KIAA1549: variants seen among roughly 807,000 people sequenced by gnomAD.
KIAA1549 encodes UPF0606 protein KIAA1549.
KIAA1549 carries 70 observed loss-of-function variants against 156.4 expected under a neutral mutation model. That is an observed-to-expected ratio of 0.45 (90% CI 0.37 to 0.55). The LOEUF is 0.55. KIAA1549 is among the 20% of genes least tolerant of loss of function. The probability of loss-of-function intolerance (pLI) is 0.00; values close to 1 mark genes in which losing one functional copy is unlikely to be tolerated. For missense variants in KIAA1549, 2,428 were observed against 2,540.9 expected, an observed-to-expected ratio of 0.96 and a Z score of 0.96; for synonymous variants, 1,103 against 1,066.4, an observed-to-expected ratio of 1.03 and a Z score of -0.67.
At chr7:138,974,709 C>T (rs1029405187) in intron 1 of KIAA1549, among the ~76,000 whole-genome samples, 1 of 151,660 alleles carries the variant, frequency 6.6e-6, no homozygotes. Context: ...AAGCGTGAGC[C>T]ACCACATCCA....
At chr7:138,975,067 C>T (rs967421189) in intron 1 of KIAA1549, among the ~76,000 whole-genome samples, 7 of 152,024 alleles carry the variant, frequency 4.6e-5, no homozygotes, top group East Asian at 3.8e-4. Context: ...TTCAGAAGGT[C>T]GGGGGTGGGC....
chr7:138,895,539 T>G (rs540073250), intron 9 of KIAA1549, among the ~76,000 whole-genome samples: 4 of 151,864 alleles, frequency 2.6e-5, no homozygotes, highest in Non-Finnish European at 5.9e-5. Context: ...AAGGACAAAA[T>G]GTATGATTCT....
At chr7:138,893,618 T>C (rs546595982) in intron 10 of KIAA1549, among the ~76,000 whole-genome samples, 2 of 152,358 alleles carry the variant, frequency 1.3e-5, no homozygotes, top group South Asian at 2.1e-4. Context: ...TCAAGGTATG[T>C]ATTGTTCGTT....
intron 16 of KIAA1549, among the ~76,000 whole-genome samples, chr7:138,858,223 T>C (rs555769734): frequency 6.6e-6 from 1 of 152,022 alleles, no homozygotes; most frequent in East Asian, 1.9e-4. Flanking sequence ...CAGGGTCAAG[T>C]GATCCTCCCA....
intron 16 of KIAA1549, 58 bp downstream of exon 16, chr7:138,861,081 C>CA (rs1810556588): frequency 6.4e-7 from 1 of 1,565,940 alleles, no homozygotes; most frequent in South Asian, 1.1e-5. Flanking sequence ...GTCAGGCAGT[C>CA]AGGCAACAAA....
At chr7:138,846,553 A>G (rs1006891333) in intron 17 of KIAA1549, among the ~76,000 whole-genome samples, 1 of 151,420 alleles carries the variant, frequency 6.6e-6, no homozygotes, top group African/African-American at 2.4e-5. Flanking sequence ...AAAAAAAAAA[A>G]AAAAGACGAC....
At chr7:138,958,860 G>T (rs1180573140) in intron 1 of KIAA1549, among the ~76,000 whole-genome samples, 1 of 151,886 alleles carries the variant, frequency 6.6e-6, no homozygotes, top group Non-Finnish European at 1.5e-5. Context: ...ATACAGATTT[G>T]TTTTTGCACT....
chr7:138,950,302 A>C (rs1245917009), intron 1 of KIAA1549, among the ~76,000 whole-genome samples: 1 of 152,258 alleles, frequency 6.6e-6, no homozygotes, highest in Non-Finnish European at 1.5e-5. Flanking sequence ...CTAAATATCT[A>C]TCAAACTTGC....
At chr7:138,874,934 G>T (rs1054916131) in intron 12 of KIAA1549, among the ~76,000 whole-genome samples, 3 of 152,148 alleles carry the variant, frequency 2.0e-5, no homozygotes, top group African/African-American at 7.2e-5. Flanking sequence ...GGTCAAGGCT[G>T]CAGTGAGCCA....
intron 10 of KIAA1549, among the ~76,000 whole-genome samples, chr7:138,887,500 A>G (rs955143371): frequency 6.6e-6 from 1 of 152,126 alleles, no homozygotes; most frequent in African/African-American, 2.4e-5. Context: ...ACCTCTGTAC[A>G]AGTCCTCCCT....
intron 18 of KIAA1549, 97 bp from the exon 19 acceptor site, chr7:138,840,375 T>C (rs1392101277): frequency 9.5e-7 from 1 of 1,054,512 alleles, no homozygotes; most frequent in Non-Finnish European, 1.4e-6. Flanking sequence ...CTCTGACCAC[T>C]ACACTCCTTA....
rs1812193186 is a variant in KIAA1549 at position 138,912,324 on chromosome 7, C to T, written c.2967+48G>A. 3 of 1,377,162 alleles carry T rather than the reference C, an allele frequency of 2.2e-6. No homozygotes were observed. In the South Asian group the frequency reaches 3.5e-5, roughly 16 times the overall value. The allele number at this position is 1,377,162 out of a possible 1,614,324, so 85.3% of individuals were successfully genotyped here. A position where few individuals can be genotyped will look rare whatever the true frequency, so the allele number is the denominator to read the frequency against. On this transcript the variant is annotated intron_variant, in intron 3 of 19. Coordinates refer to ENST00000422774, the MANE Select transcript of KIAA1549 (RefSeq NM_001164665.2). ...TGCCTCTAACCTGGGGCTCTCACATCAGCCCCAGTCTCACCAGACATCACA... is the reference window on the plus strand; with the variant it reads ...TGCCTCTAACCTGGGGCTCTCACATTAGCCCCAGTCTCACCAGACATCACA...
chr7:138,945,877 G>C (rs1813322280), intron 1 of KIAA1549, among the ~76,000 whole-genome samples: 2 of 152,064 alleles, frequency 1.3e-5, no homozygotes, highest in Non-Finnish European at 2.9e-5. Context: ...AATGTGCCAT[G>C]ATTGTGCCAC....
intron 1 of KIAA1549, among the ~76,000 whole-genome samples, chr7:138,935,216 A>G (rs1294710075): frequency 6.6e-6 from 1 of 152,162 alleles, no homozygotes; most frequent in African/African-American, 2.4e-5. Context: ...TCTAGCTAAA[A>G]CATCAGTTTA....
At chr7:138,898,089 A>C (rs531980798) in intron 9 of KIAA1549, among the ~76,000 whole-genome samples, 161 of 151,764 alleles carry the variant, frequency 1.1e-3, no homozygotes, top group African/African-American at 3.8e-3. Context: ...CAGGCAGATC[A>C]CAAGGTCAAG....
chr7:138,892,432 A>C lies in KIAA1549; in HGVS notation c.4032+1910T>G, dbSNP rs191161255. The stretch of plus-strand genomic sequence containing the variant: ...CTGTAACAACACTCTTCAACAGAAC[A>C]AAAACATTTCCAAACCTATTGTTGA... On this transcript the variant is annotated intron_variant, in intron 10 of 19. Transcript: ENST00000422774. Among the ~76,000 whole-genome samples, 257 of 152,368 alleles carry C rather than the reference A, an allele frequency of 1.7e-3. 2 individuals carry two copies. The highest frequency in any genetic ancestry group is 3.2e-3 in the Non-Finnish European group (216 of 68,036).
At chr7:138,911,079 T>A (rs1388616699) in intron 4 of KIAA1549, 67 bp downstream of exon 4, 1 of 1,117,522 alleles carries the variant, frequency 8.9e-7, no homozygotes, top group Admixed American at 3.2e-5. Flanking sequence ...TTTCCAATAT[T>A]TTAGAAAGAT....
At position 138,834,912 on chromosome 7, in the gene KIAA1549, G is replaced by A. The variant is rs1344413790; in HGVS notation, c.*2994C>T. 1 of 231,188 alleles carries A rather than the reference G, an allele frequency of 4.3e-6. No homozygotes were observed. Among genetic ancestry groups the A allele is most frequent in the Non-Finnish European group, 8.5e-6 (1 of 116,964 alleles). The allele number at this position is 231,188 out of a possible 1,614,324, so 14.3% of individuals were successfully genotyped here. A position where few individuals can be genotyped will look rare whatever the true frequency, so the allele number is the denominator to read the frequency against. On this transcript the variant is annotated 3_prime_UTR_variant, in exon 20 of 20. Coordinates refer to ENST00000422774, the MANE Select transcript of KIAA1549 (RefSeq NM_001164665.2). The stretch of plus-strand genomic sequence containing the variant: ...GGAGGTCTGTTCTTGTTTGGCTTAT[G>A]GGGAGAATGAAGTTCAGAGAAGGAA...
intron 1 of KIAA1549, among the ~76,000 whole-genome samples, chr7:138,966,187 G>T (rs949521692): frequency 6.6e-6 from 1 of 152,102 alleles, no homozygotes; most frequent in African/African-American, 2.4e-5. Context: ...GTGGAAACAG[G>T]GTCATCAAAG....
Sources: gnomAD v4.1 joint callset for allele counts (sites outside exome capture counted in the v4.1 genomes callset) on GRCh38, gnomAD v4.1.1 for gene constraint, MANE v1.5 for transcripts, NCBI Gene and HGNC (gene_info 2026-07-23, HGNC 2026-07-21) for gene names.